The following MAF variants were observed in gnomAD, a reference collection of about 807,000 sequenced individuals.
The protein encoded by MAF is transcription factor Maf.
MAF carries 10 observed loss-of-function variants against 22.0 expected under a neutral mutation model. The observed-to-expected ratio is 0.45, with a 90% CI of 0.28 to 0.77. The LOEUF (loss-of-function observed/expected upper bound fraction) is 0.77, where lower values mean the gene tolerates loss of function less well. MAF is among the 30% of genes least tolerant of loss of function. The probability of loss-of-function intolerance (pLI) is 0.12; values close to 1 mark genes in which losing one functional copy is unlikely to be tolerated. For synonymous variants in MAF, 337 were observed against 255.8 expected (o/e 1.32, Z -3.03); for missense variants, 544 against 548.4 (o/e 0.99, Z 0.08).
the MAF span, among the ~76,000 whole-genome samples, chr16:79,422,488 G>T: frequency 2.6e-5 from 4 of 152,098 alleles, no homozygotes; most frequent in African/African-American, 9.7e-5. Context: ...CTGCCTCCAA[G>T]ACCTTGAGCC....
the MAF span, among the ~76,000 whole-genome samples, chr16:79,399,358 C>A: frequency 6.6e-6 from 1 of 152,158 alleles, no homozygotes; most frequent in Non-Finnish European, 1.5e-5. Flanking sequence ...CATCACATGT[C>A]TTGAAAGGAG....
chr16:79,477,471 A>C, the MAF span, among the ~76,000 whole-genome samples: 1 of 152,216 alleles, frequency 6.6e-6, no homozygotes, highest in Non-Finnish European at 1.5e-5. Flanking sequence ...CTCTTCCAGC[A>C]TGAGAAAACC....
At chr16:79,597,840 T>C (rs1913647441) in intron 1 of MAF, 1 of 1,027,114 alleles carries the variant, frequency 9.7e-7, no homozygotes, top group Admixed American at 5.8e-5. Flanking sequence ...TTCCATAAAG[T>C]CTTTGAAACA....
At chr16:79,420,906 C>G in the MAF span, among the ~76,000 whole-genome samples, 1 of 152,046 alleles carries the variant, frequency 6.6e-6, no homozygotes, top group Non-Finnish European at 1.5e-5. Flanking sequence ...TGGGGGCAGG[C>G]ACCTGTAATC....
downstream of MAF, among the ~76,000 whole-genome samples, chr16:79,582,994 A>G (rs1418543871): frequency 6.6e-6 from 1 of 152,218 alleles, no homozygotes; most frequent in Non-Finnish European, 1.5e-5. Context: ...GTATGGCACC[A>G]CGTGGTTCAC....
At chr16:79,527,600 C>G in the MAF span, among the ~76,000 whole-genome samples, 577 of 152,230 alleles carry the variant, frequency 3.8e-3, 3 homozygotes, top group African/African-American at 0.013. Context: ...AGGGAAGTCC[C>G]ATCACCTTAC....
At chr16:79,219,656 C>A in the MAF span, among the ~76,000 whole-genome samples, 1 of 151,806 alleles carries the variant, frequency 6.6e-6, no homozygotes, top group African/African-American at 2.4e-5. Context: ...GTCACCACTT[C>A]CTGTGTGACG....
chr16:79,580,725 G>C, the MAF span, among the ~76,000 whole-genome samples: 1 of 151,798 alleles, frequency 6.6e-6, no homozygotes, highest in African/African-American at 2.4e-5. Flanking sequence ...TCAAACCTCC[G>C]AACCTGCTTG....
chr16:79,571,185 T>A, the MAF span, among the ~76,000 whole-genome samples: 150 of 151,958 alleles, frequency 9.9e-4, no homozygotes, highest in African/African-American at 3.3e-3. Flanking sequence ...GAGAAGTACA[T>A]CTCATAGATA....
the MAF span, among the ~76,000 whole-genome samples, chr16:79,221,901 C>T: frequency 6.6e-6 from 1 of 152,102 alleles, no homozygotes; most frequent in African/African-American, 2.4e-5. Context: ...CAGGCCACTG[C>T]TTTGTTTTTG....
the MAF span, among the ~76,000 whole-genome samples, chr16:79,331,983 G>C: frequency 2.0e-5 from 3 of 152,138 alleles, no homozygotes; most frequent in Admixed American, 6.5e-5. Flanking sequence ...ACTTTCCATA[G>C]ACGTAAAAGT....
the MAF span, among the ~76,000 whole-genome samples, chr16:79,518,235 G>A: frequency 3.3e-5 from 5 of 152,188 alleles, no homozygotes; most frequent in African/African-American, 1.2e-4. Flanking sequence ...TTTCACCCAA[G>A]GAACATGAAC....
At chr16:79,212,101 A>ATTCTC in the MAF span, 952 of 1,536,024 alleles carry the variant, frequency 6.2e-4, 11 homozygotes, top group East Asian at 0.021. Context: ...AGCACCAGCA[A>ATTCTC]TTCTCTTTCT....
chr16:79,425,915 T>C, the MAF span, among the ~76,000 whole-genome samples: 1 of 152,190 alleles, frequency 6.6e-6, no homozygotes, highest in African/African-American at 2.4e-5. Flanking sequence ...AACATTCAGA[T>C]TCTAAGTTGG....
At chr16:79,329,523 C>T in the MAF span, among the ~76,000 whole-genome samples, 6 of 152,002 alleles carry the variant, frequency 3.9e-5, no homozygotes, top group African/African-American at 7.2e-5. Context: ...CCAAAATCTC[C>T]GTCTAGAGTC....
At chr16:79,596,921 T>G in intron 1 of MAF, 2 of 1,050,262 alleles carry the variant, frequency 1.9e-6, no homozygotes, top group Non-Finnish European at 2.3e-6. Flanking sequence ...AGGTTATATC[T>G]TAGTGCAATT....
chr16:79,419,656 C>G, the MAF span, among the ~76,000 whole-genome samples: 2 of 152,138 alleles, frequency 1.3e-5, no homozygotes, highest in Non-Finnish European at 2.9e-5. Flanking sequence ...GAGAACAGCC[C>G]CACTCAGATG....
the MAF span, among the ~76,000 whole-genome samples, chr16:79,561,814 T>C: frequency 6.6e-6 from 1 of 152,170 alleles, no homozygotes; most frequent in African/African-American, 2.4e-5. Context: ...TGTGTTTGGA[T>C]GTTTGACAGG....
At chr16:79,472,823 G>T in the MAF span, among the ~76,000 whole-genome samples, 1 of 151,800 alleles carries the variant, frequency 6.6e-6, no homozygotes, top group Non-Finnish European at 1.5e-5. Context: ...AAGAAAGAGA[G>T]AAAGAAAGAA....
Sources: allele counts gnomAD v4.1 joint callset (sites outside exome capture counted in the v4.1 genomes callset), GRCh38; gene constraint gnomAD v4.1.1; transcripts MANE v1.5; gene names NCBI Gene and HGNC (gene_info 2026-07-23, HGNC 2026-07-21).